The following PTP4A1 variants were observed in gnomAD, a reference collection of about 807,000 sequenced individuals.
PTP4A1 encodes the protein protein tyrosine phosphatase type IVA 1.
Under a neutral mutation model 20.5 loss-of-function variants are expected in PTP4A1, and 9 were observed. The observed-to-expected ratio is 0.44, with a 90% CI of 0.26 to 0.77. PTP4A1 has a LOEUF of 0.77. PTP4A1 is among the 30% of genes least tolerant of loss of function. The pLI is 0.19. For synonymous variants in PTP4A1, 78 were observed against 67.4 expected (o/e 1.16, Z -0.77); for missense variants, 137 against 218.8 (o/e 0.63, Z 2.36).
At chr6:63,565,581 A>T (rs747681455) in intron 3 of PTP4A1, among the ~76,000 whole-genome samples, 3 of 152,210 alleles carry the variant, frequency 2.0e-5, no homozygotes, top group Non-Finnish European at 2.9e-5. Flanking sequence ...AAATATTTAC[A>T]TCTGTAGTAC....
chr6:63,541,468 G>A (rs369520162), intron 2 of PTP4A1, among the ~76,000 whole-genome samples: 1 of 151,196 alleles, frequency 6.6e-6, no homozygotes, highest in East Asian at 2.0e-4. Context: ...CAGGAAAATC[G>A]CCTGAACCCC....
At position 63,547,495 on chromosome 6, in the gene PTP4A1, G is replaced by T. The variant is rs1776245025; in HGVS notation, c.-639-2805G>T. 2.0e-5 allele frequency among the ~76,000 whole-genome samples: 3 copies of T among 149,448 alleles called. No individual in the cohort carries two copies. In the South Asian group the frequency reaches 6.3e-4, roughly 32 times the overall value. ...GTCTGCCACCTCGCCCGGCCAGGGG[G>T]GAATTTTTTTTTTTTTTTTTTTTTT... On this transcript the variant is annotated intron_variant, in intron 2 of 3. Transcript: ENST00000639568.
upstream of PTP4A1, among the ~76,000 whole-genome samples, chr6:63,570,358 G>A (rs1201698): frequency 0.95 from 144,854 of 152,330 alleles, 68,976 homozygotes; most frequent in East Asian, 1. Flanking sequence ...AAAATGCATC[G>A]TTTCTCTCAA....
At chr6:63,572,133 A>G (rs957301056), upstream of PTP4A1, 3 of 152,178 alleles carry the variant, frequency 2.0e-5, no homozygotes, top group African/African-American at 7.3e-5. Context: ...ACATGTGTGC[A>G]CTCCTGGACC....
At chr6:63,578,356 CAGAG>C in intron 2 of PTP4A1, 77 bp from the exon 3 acceptor site, 1 of 1,440,260 alleles carries the variant, frequency 6.9e-7, no homozygotes, top group Non-Finnish European at 9.2e-7. Context: ...ACTTACTGAT[CAGAG>C]ATGATCAGAA....
intron 1 of PTP4A1, 125 bp from the exon 2 acceptor site, chr6:63,576,311 G>A (rs1422901862): frequency 1.3e-5 from 5 of 386,992 alleles, no homozygotes; most frequent in Admixed American, 4.5e-5. Flanking sequence ...AGTAAAAGTC[G>A]ATGAAGCGGC....
intron 3 of PTP4A1, among the ~76,000 whole-genome samples, chr6:63,552,200 A>G (rs1295678688): frequency 1.3e-5 from 2 of 152,076 alleles, no homozygotes; most frequent in Non-Finnish European, 2.9e-5. Flanking sequence ...CCTCTCCAGC[A>G]CCTGTTATTT....
rs1024909515 is a variant in PTP4A1, at chr6:63,582,694, T to C, written c.*2520T>C. 2.0e-5 allele frequency: 3 copies of C among 152,228 alleles called. No homozygotes were observed. Among genetic ancestry groups the C allele is most frequent in the African/African-American group, 7.2e-5 (3 of 41,460 alleles). 9.4% of individuals were successfully genotyped at this position (152,228 alleles called of 1,614,324 possible). ...TTGTCTATAGCAACCATAATGTTGA[T>C]GTAAGTAATGCGGTTACTGAATCAT... is the stretch of plus-strand genomic sequence containing the variant. On this transcript the variant is annotated 3_prime_UTR_variant, in exon 6 of 6. Transcript: ENST00000626021.
At chr6:63,540,811 A>G (rs1421482473) in intron 2 of PTP4A1, among the ~76,000 whole-genome samples, 1 of 151,622 alleles carries the variant, frequency 6.6e-6, no homozygotes, top group Non-Finnish European at 1.5e-5. Context: ...ACTAGGACCA[A>G]AATGGTGAAA....
At chr6:63,579,934 G>A in intron 5 of PTP4A1, 123 bp from the exon 6 acceptor site, 1 of 711,192 alleles carries the variant, frequency 1.4e-6, no homozygotes, top group Non-Finnish European at 2.4e-6. Context: ...TTCTGCATCA[G>A]GTCACAGCCT....
At chr6:63,517,207 T>A (rs557966570), upstream of PTP4A1, among the ~76,000 whole-genome samples, 27 of 152,168 alleles carry the variant, frequency 1.8e-4, no homozygotes, top group African/African-American at 6.5e-4. Context: ...ATAAAATATA[T>A]CTGGAAAGTC....
At chr6:63,520,228 C>T (rs543491167), upstream of PTP4A1, among the ~76,000 whole-genome samples, 5 of 152,190 alleles carry the variant, frequency 3.3e-5, no homozygotes, top group African/African-American at 9.7e-5. Flanking sequence ...TCCCATTAGA[C>T]ATTTATGTGA....
In PTP4A1 at chr6:63,583,552, C is replaced by T. The variant is rs757854112; in HGVS notation, c.*3378C>T. Reference sequence around the variant, plus strand: ...GTGATTTTATAATTATATATATTGCCGCAGTAACCAGTTAATAAATTGATA... The same window carrying T: ...GTGATTTTATAATTATATATATTGCTGCAGTAACCAGTTAATAAATTGATA... On this transcript the variant is annotated 3_prime_UTR_variant, in exon 6 of 6. Coordinates refer to ENST00000626021, the MANE Select transcript of PTP4A1 (RefSeq NM_003463.5). The T allele has an allele frequency of 3.9e-5, 6 of 152,168 alleles. No individual in the cohort carries two copies. Among genetic ancestry groups the T allele is most frequent in the South Asian group, 2.1e-4 (1 of 4,816 alleles). The allele number at this position is 152,168 out of a possible 1,614,324, so 9.4% of individuals were successfully genotyped here. A position where few individuals can be genotyped will look rare whatever the true frequency, so the allele number is the denominator to read the frequency against.
chr6:63,576,034 A>G (rs1777841978), intron 1 of PTP4A1, among the ~76,000 whole-genome samples: 1 of 151,446 alleles, frequency 6.6e-6, no homozygotes, highest in Non-Finnish European at 1.5e-5. Context: ...GTATGTAATT[A>G]CAATGTAAAG....
chr6:63,567,912 C>T (rs1777258008), upstream of PTP4A1, among the ~76,000 whole-genome samples: 1 of 152,182 alleles, frequency 6.6e-6, no homozygotes, highest in Non-Finnish European at 1.5e-5. Context: ...AGGGAGAGGG[C>T]TTCTACTCTT....
At chr6:63,578,576 A>T in intron 3 of PTP4A1, 47 bp downstream of exon 3, 1 of 1,571,470 alleles carries the variant, frequency 6.4e-7, no homozygotes, top group Admixed American at 2.2e-5. Flanking sequence ...GTGCTACAAA[A>T]GTTTATTCAA....
chr6:63,521,291 T>C (rs1400138203), upstream of PTP4A1, among the ~76,000 whole-genome samples: 2 of 152,210 alleles, frequency 1.3e-5, no homozygotes, highest in Non-Finnish European at 2.9e-5. Flanking sequence ...TTTTTAGTGT[T>C]GCACAGAAAA....
At chr6:63,532,434 C>T (rs549654094) in intron 2 of PTP4A1, among the ~76,000 whole-genome samples, 2 of 152,280 alleles carry the variant, frequency 1.3e-5, no homozygotes, top group Admixed American at 1.3e-4. Context: ...CTGCTCATGG[C>T]TGCATACATC....
At chr6:63,543,897 G>T (rs1355321687) in intron 2 of PTP4A1, among the ~76,000 whole-genome samples, 1 of 152,212 alleles carries the variant, frequency 6.6e-6, no homozygotes, top group Non-Finnish European at 1.5e-5. Flanking sequence ...GTACACAAAA[G>T]CATTGATAGT....
Sources: gnomAD v4.1 joint callset for allele counts (sites outside exome capture counted in the v4.1 genomes callset) on GRCh38, gnomAD v4.1.1 for gene constraint, MANE v1.5 for transcripts, NCBI Gene and HGNC (gene_info 2026-07-23, HGNC 2026-07-21) for gene names.